The following RSRC1 variants were observed in gnomAD, a reference collection of about 807,000 sequenced individuals.
The protein encoded by RSRC1 is serine/Arginine-related protein 53.
RSRC1 carries 39 observed loss-of-function variants against 49.1 expected under a neutral mutation model. That is an observed-to-expected ratio of 0.79 (90% CI 0.61 to 1.04). The LOEUF (loss-of-function observed/expected upper bound fraction) is 1.04. RSRC1 is among the 50% of genes least tolerant of loss of function. The pLI is 0.00. For missense variants in RSRC1, 388 were observed against 402.4 expected (o/e 0.96, Z 0.31); for synonymous variants, 143 against 130.8 (o/e 1.09, Z -0.63).
intron 3 of RSRC1, among the ~76,000 whole-genome samples, chr3:158,131,718 G>T (rs1050628612): frequency 1.3e-5 from 2 of 152,088 alleles, no homozygotes; most frequent in African/African-American, 4.8e-5. Flanking sequence ...TGAGGTAATT[G>T]TTGCCTCATG....
In RSRC1 at chr3:158,518,107, T is replaced by C. The variant is rs1258719315; in HGVS notation, c.653-18985T>C. Among the ~76,000 whole-genome samples, 798 of 83,442 alleles carry C rather than the reference T, an allele frequency of 9.6e-3. 19 individuals carry two copies. The highest frequency in any genetic ancestry group is 0.05 in the African/African-American group (748 of 15,054). The allele number at this position is 83,442 out of a possible 152,430, so 54.7% of individuals were successfully genotyped here. On this transcript the variant is annotated intron_variant, in intron 7 of 9. Transcript: ENST00000611884. ...ACGTAAGTGCGTGCGTGTGTGTGTGTGTGTGTGTGTGTGTGTGTGTATATA... is the reference window on the plus strand; with the variant it reads ...ACGTAAGTGCGTGCGTGTGTGTGTGCGTGTGTGTGTGTGTGTGTGTATATA...
chr3:158,430,910 G>A lies in RSRC1; in HGVS notation c.584-30025G>A, dbSNP rs190050086. Among the ~76,000 whole-genome samples, 259 of 151,958 alleles carry A rather than the reference G, an allele frequency of 1.7e-3. 1 individual carries two copies. Among genetic ancestry groups the A allele is most frequent in the African/African-American group, 5.9e-3 (243 of 41,518 alleles). ...AGGAAAACTCTTTGTTGCTATTTTG[G>A]TGGTATCAAAAAATGGTTCTATAGT... On this transcript the variant is annotated intron_variant, in intron 6 of 9. Transcript: ENST00000611884.
At chr3:158,475,164 T>C (rs979309049) in intron 7 of RSRC1, among the ~76,000 whole-genome samples, 2 of 152,048 alleles carry the variant, frequency 1.3e-5, no homozygotes, top group Non-Finnish European at 1.5e-5. Flanking sequence ...GCTCAAGCAA[T>C]CCTCCCACCT....
intron 6 of RSRC1, among the ~76,000 whole-genome samples, chr3:158,376,336 A>T (rs9816143): frequency 0.52 from 79,047 of 151,026 alleles, 21,040 homozygotes; most frequent in African/African-American, 0.61. Flanking sequence ...ATTTTTGTAA[A>T]TTTTTTGTAG....
chr3:158,226,829 T>A (rs931721668), intron 4 of RSRC1, among the ~76,000 whole-genome samples: 2 of 152,090 alleles, frequency 1.3e-5, no homozygotes, highest in Admixed American at 6.6e-5. Flanking sequence ...TTGTAGTTTG[T>A]GCATACTGGA....
intron 6 of RSRC1, among the ~76,000 whole-genome samples, chr3:158,388,189 A>G (rs1733065476): frequency 6.6e-6 from 1 of 151,654 alleles, no homozygotes; most frequent in African/African-American, 2.4e-5. Context: ...TTAATATTAT[A>G]TAAAATTTTA....
At chr3:158,435,506 T>TG (rs999102220) in intron 6 of RSRC1, among the ~76,000 whole-genome samples, 4 of 151,686 alleles carry the variant, frequency 2.6e-5, no homozygotes, top group African/African-American at 9.7e-5. Context: ...TGAAGATTTT[T>TG]ATTTGATTTG....
chr3:158,506,541 G>A (rs867203979), intron 7 of RSRC1, among the ~76,000 whole-genome samples: 46 of 151,984 alleles, frequency 3.0e-4, no homozygotes, highest in Middle Eastern at 6.8e-3. Flanking sequence ...AAAAGAAGAC[G>A]ACATATAAAC....
At chr3:158,176,465 G>A (rs1349549527) in intron 3 of RSRC1, among the ~76,000 whole-genome samples, 1 of 152,116 alleles carries the variant, frequency 6.6e-6, no homozygotes, top group African/African-American at 2.4e-5. Flanking sequence ...ATAGATCAAT[G>A]GAACAGAACA....
intron 7 of RSRC1, among the ~76,000 whole-genome samples, chr3:158,478,948 C>CAAAAAA (rs10603914): frequency 5.7e-4 from 64 of 112,268 alleles, no homozygotes; most frequent in African/African-American, 1.9e-3. Flanking sequence ...GGAGAAAAAG[C>CAAAAAA]AAAAAAAAAA....
intron 5 of RSRC1, among the ~76,000 whole-genome samples, chr3:158,300,729 G>A (rs1055246532): frequency 6.6e-6 from 1 of 152,092 alleles, no homozygotes; most frequent in African/African-American, 2.4e-5. Context: ...TCTTCTTTGT[G>A]TAGCTTTCTT....
At chr3:158,232,045 G>C (rs1277464136) in intron 4 of RSRC1, among the ~76,000 whole-genome samples, 1 of 151,918 alleles carries the variant, frequency 6.6e-6, no homozygotes, top group East Asian at 1.9e-4. Flanking sequence ...CTTTTTTTCT[G>C]TTTTAATGTT....
At chr3:158,328,290 T>G (rs1266804259) in intron 5 of RSRC1, among the ~76,000 whole-genome samples, 1 of 152,212 alleles carries the variant, frequency 6.6e-6, no homozygotes, top group Non-Finnish European at 1.5e-5. Context: ...GTTAGCTGCT[T>G]ATTTTGCTGA....
intron 3 of RSRC1, among the ~76,000 whole-genome samples, chr3:158,175,591 A>G (rs1719157758): frequency 6.6e-6 from 1 of 151,994 alleles, no homozygotes; most frequent in Admixed American, 6.6e-5. Context: ...GTGCCCATAT[A>G]TGGTTGGTTC....
In RSRC1 at chr3:158,486,336, C is replaced by A. The variant is rs1738819617; in HGVS notation, c.652+25333C>A. 2.0e-5 allele frequency among the ~76,000 whole-genome samples: 3 copies of A among 152,116 alleles called. No individual in the cohort carries two copies. The South Asian group carries it at 6.2e-4, about 32-fold the overall frequency. Reference sequence around the variant, plus strand: ...AAACTGGATCACTGCCTTGCTATTTCATTCACATCCTTCTGTTGGCAAAAT... The same window carrying A: ...AAACTGGATCACTGCCTTGCTATTTAATTCACATCCTTCTGTTGGCAAAAT... On this transcript the variant is annotated intron_variant, in intron 7 of 9. Transcript: ENST00000611884.
chr3:158,254,730 C>A (rs960384689), intron 4 of RSRC1, among the ~76,000 whole-genome samples: 1 of 151,738 alleles, frequency 6.6e-6, no homozygotes, highest in Non-Finnish European at 1.5e-5. Flanking sequence ...CCGCACCTGG[C>A]CGTTTCCTGA....
At chr3:158,327,571 G>C (rs1729239372) in intron 5 of RSRC1, among the ~76,000 whole-genome samples, 1 of 152,066 alleles carries the variant, frequency 6.6e-6, no homozygotes, top group South Asian at 2.1e-4. Context: ...CTGAGTTCTA[G>C]TTTGATTGCA....
chr3:158,356,455 A>G (rs998572868), intron 6 of RSRC1, among the ~76,000 whole-genome samples: 4 of 152,112 alleles, frequency 2.6e-5, no homozygotes, highest in Non-Finnish European at 5.9e-5. Flanking sequence ...CTTACCATGT[A>G]GGTAAAAAGA....
chr3:158,194,946 C>A (rs900474722), intron 3 of RSRC1, among the ~76,000 whole-genome samples: 1 of 152,016 alleles, frequency 6.6e-6, no homozygotes, highest in African/African-American at 2.4e-5. Flanking sequence ...TGCATAGTGC[C>A]ACAATAAACA....
Sources: gnomAD v4.1 joint callset for allele counts (sites outside exome capture counted in the v4.1 genomes callset) on GRCh38, gnomAD v4.1.1 for gene constraint, MANE v1.5 for transcripts, NCBI Gene and HGNC (gene_info 2026-07-23, HGNC 2026-07-21) for gene names.